PLSCR4: variants seen among roughly 807,000 people sequenced by gnomAD.
PLSCR4 encodes the protein phospholipid scramblase 4.
Under a neutral mutation model 36.3 loss-of-function variants are expected in PLSCR4, and 25 were observed. The observed-to-expected ratio is 0.69, with a 90% CI of 0.50 to 0.96. The LOEUF (loss-of-function observed/expected upper bound fraction) is 0.96. Ranked by LOEUF, PLSCR4 falls within the 40% of genes least tolerant of loss-of-function variation. The pLI is 0.00. For synonymous variants in PLSCR4, 122 were observed against 132.9 expected (o/e 0.92, Z 0.56); for missense variants, 408 against 414.7 (o/e 0.98, Z 0.14).
At chr3:146,226,247 G>T (rs909202892) in intron 1 of PLSCR4, among the ~76,000 whole-genome samples, 1 of 152,130 alleles carries the variant, frequency 6.6e-6, no homozygotes, top group African/African-American at 2.4e-5. Context: ...TAAAAGGTAT[G>T]TACATGTTTA....
intron 2 of PLSCR4, among the ~76,000 whole-genome samples, chr3:146,221,837 T>G (rs2035157249): frequency 6.6e-6 from 1 of 152,164 alleles, no homozygotes; most frequent in Admixed American, 6.5e-5. Flanking sequence ...AGTAGATATG[T>G]GTCCCACTGT....
At chr3:146,213,311 C>T (rs950423507) in intron 3 of PLSCR4, among the ~76,000 whole-genome samples, 1 of 148,996 alleles carries the variant, frequency 6.7e-6, no homozygotes, top group African/African-American at 2.5e-5. Context: ...TTAAAACCTT[C>T]ATGCAGCATT....
intron 1 of PLSCR4, among the ~76,000 whole-genome samples, chr3:146,236,751 C>G (rs2035935152): frequency 6.6e-6 from 1 of 152,070 alleles, no homozygotes; most frequent in Non-Finnish European, 1.5e-5. Context: ...TCAGGTATGT[C>G]TTTATCAGCA....
Position 146,226,790 on chromosome 3 carries a change from AATG to A in PLSCR4, c.-21-4701_-21-4699del, listed in dbSNP as rs747652276. ...CATTCAAATCTAATTCAAGTAATTGAATGATAACTTGAAAAAATAAATAAAATT... is the reference window on the plus strand; with the variant it reads ...CATTCAAATCTAATTCAAGTAATTGAATAACTTGAAAAAATAAATAAAATT... On this transcript the variant is annotated intron_variant, in intron 1 of 8. Coordinates refer to ENST00000354952, the MANE Select transcript of PLSCR4 (RefSeq NM_020353.3). 5.9e-5 allele frequency among the ~76,000 whole-genome samples: 9 copies of A among 152,346 alleles called. No individual in the cohort carries two copies. The East Asian group carries it at 9.6e-4, about 16-fold the overall frequency.
At chr3:146,242,474 G>A (rs1362065074) in intron 1 of PLSCR4, among the ~76,000 whole-genome samples, 2 of 130,484 alleles carry the variant, frequency 1.5e-5, no homozygotes, top group Non-Finnish European at 3.4e-5. Context: ...TCTGATTTGA[G>A]CTGAGTTTGA....
intron 3 of PLSCR4, among the ~76,000 whole-genome samples, chr3:146,212,746 C>T (rs2034688876): frequency 6.6e-6 from 1 of 152,102 alleles, no homozygotes; most frequent in Non-Finnish European, 1.5e-5. Context: ...ACTTCCAGTA[C>T]AATGCTGAAT....
chr3:146,232,178 T>C (rs1249359648), intron 1 of PLSCR4, among the ~76,000 whole-genome samples: 1 of 152,110 alleles, frequency 6.6e-6, no homozygotes, highest in Non-Finnish European at 1.5e-5. Flanking sequence ...TGTGCAGCTT[T>C]ATTTCTATTC....
chr3:146,230,807 A>G (rs1237781169), intron 1 of PLSCR4, among the ~76,000 whole-genome samples: 1 of 152,228 alleles, frequency 6.6e-6, no homozygotes, highest in African/African-American at 2.4e-5. Context: ...GATAAGCTCC[A>G]TAAAGGAAGA....
intron 1 of PLSCR4, among the ~76,000 whole-genome samples, chr3:146,247,237 AT>A (rs1187220471): frequency 3.9e-5 from 6 of 152,194 alleles, no homozygotes; most frequent in Admixed American, 3.9e-4. Context: ...TGTGCATTAA[AT>A]TATTGGAAGC....
chr3:146,205,662 C>G (rs1262103261), intron 4 of PLSCR4, among the ~76,000 whole-genome samples: 1 of 152,016 alleles, frequency 6.6e-6, no homozygotes, highest in Non-Finnish European at 1.5e-5. Context: ...ATGTGCCAGG[C>G]AGAACACAGC....
chr3:146,226,306 A>G (rs1051541304), intron 1 of PLSCR4, among the ~76,000 whole-genome samples: 4 of 152,218 alleles, frequency 2.6e-5, no homozygotes, highest in Admixed American at 1.3e-4. Context: ...AACAAGAACC[A>G]TTTGACAGTT....
chr3:146,200,108 T>C lies in PLSCR4; in HGVS notation c.398-69A>G, dbSNP rs2033967828. 6.8e-5 allele frequency: 63 copies of C among 924,306 alleles called. No homozygotes were observed. In the South Asian group the frequency reaches 8.7e-4, roughly 13 times the overall value. The allele number at this position is 924,306 out of a possible 1,614,324, so 57.3% of individuals were successfully genotyped here. Reference sequence around the variant, plus strand: ...TGGGCCTCAGAAAGTCCTTGTTTAGTATTTCTTAAGGGCTTAAAGCAACAT... The same window carrying C: ...TGGGCCTCAGAAAGTCCTTGTTTAGCATTTCTTAAGGGCTTAAAGCAACAT... On this transcript the variant is annotated intron_variant, in intron 5 of 8. Coordinates refer to ENST00000354952, the MANE Select transcript of PLSCR4 (RefSeq NM_020353.3).
At chr3:146,215,037 A>G (rs2034829987) in intron 3 of PLSCR4, among the ~76,000 whole-genome samples, 1 of 152,104 alleles carries the variant, frequency 6.6e-6, no homozygotes, top group Non-Finnish European at 1.5e-5. Flanking sequence ...TATCTCTAGT[A>G]ATAATTTTTT....
intron 3 of PLSCR4, 79 bp from the exon 4 acceptor site, chr3:146,206,840 TCA>T (rs1176272044): frequency 1.2e-6 from 1 of 855,414 alleles, no homozygotes; most frequent in Non-Finnish European, 1.8e-6. Context: ...ATGAAATAGA[TCA>T]CACGACATCC....
chr3:146,242,748 A>G (rs2036203094), intron 1 of PLSCR4, among the ~76,000 whole-genome samples: 1 of 152,196 alleles, frequency 6.6e-6, no homozygotes, highest in Admixed American at 6.5e-5. Context: ...CCTTAGCAAA[A>G]GTAACTTAGA....
At chr3:146,222,675 A>G (rs961563859) in intron 1 of PLSCR4, among the ~76,000 whole-genome samples, 3 of 152,178 alleles carry the variant, frequency 2.0e-5, no homozygotes, top group African/African-American at 7.2e-5. Flanking sequence ...AGACATGCAG[A>G]TAAAGGTCTG....
At chr3:146,226,347 T>C (rs904569929) in intron 1 of PLSCR4, among the ~76,000 whole-genome samples, 4 of 152,234 alleles carry the variant, frequency 2.6e-5, no homozygotes, top group African/African-American at 4.8e-5. Flanking sequence ...TTCTAACTAA[T>C]GGTCTGTTGT....
intron 4 of PLSCR4, among the ~76,000 whole-genome samples, chr3:146,201,907 C>T (rs901811667): frequency 6.6e-6 from 1 of 152,044 alleles, no homozygotes; most frequent in Non-Finnish European, 1.5e-5. Context: ...TATAATTTTA[C>T]ATCATTTAGA....
chr3:146,194,544 C>A, intron 8 of PLSCR4, 89 bp from the exon 9 acceptor site: 1 of 781,128 alleles, frequency 1.3e-6, no homozygotes, highest in African/African-American at 1.8e-5. Context: ...TTAGGGGATT[C>A]CCCCATTCCA....
Sources: allele counts gnomAD v4.1 joint callset (sites outside exome capture counted in the v4.1 genomes callset), GRCh38; gene constraint gnomAD v4.1.1; transcripts MANE v1.5; gene names NCBI Gene and HGNC (gene_info 2026-07-23, HGNC 2026-07-21).